The following ITGAE variants were observed in gnomAD, a reference collection of about 807,000 sequenced individuals.
ITGAE encodes the protein integrin alpha-E.
A neutral mutation model predicts 136.5 loss-of-function variants in ITGAE; 99 were observed. That is an observed-to-expected ratio of 0.73 (90% CI 0.62 to 0.86). ITGAE has a LOEUF of 0.86. Ranked by LOEUF, ITGAE falls within the 40% of genes least tolerant of loss-of-function variation. ITGAE has a pLI of 0.00. For synonymous variants in ITGAE, 613 were observed against 591.8 expected (o/e 1.04, Z -0.52); for missense variants, 1,447 against 1,515.3 (o/e 0.95, Z 0.75).
At chr17:3,796,577 C>T (rs968028888) in intron 1 of ITGAE, among the ~76,000 whole-genome samples, 5 of 152,098 alleles carry the variant, frequency 3.3e-5, no homozygotes, top group African/African-American at 9.7e-5. Flanking sequence ...TAACCACAGG[C>T]GAGGGCTGGC....
chr17:3,767,616 T>C (rs1293310105), intron 2 of ITGAE, among the ~76,000 whole-genome samples: 1 of 152,094 alleles, frequency 6.6e-6, no homozygotes, highest in Non-Finnish European at 1.5e-5. Flanking sequence ...TAGCCTCCTG[T>C]TATTTTGTGG....
chr17:3,724,013 G>A, intron 26 of ITGAE: 1 of 1,591,574 alleles, frequency 6.3e-7, no homozygotes, highest in Non-Finnish European at 8.5e-7. Context: ...GACAGCGGCG[G>A]CCGGGCCGGG....
chr17:3,751,507 G>T, intron 15 of ITGAE, 143 bp downstream of exon 15: 1 of 702,292 alleles, frequency 1.4e-6, no homozygotes, highest in Non-Finnish European at 2.4e-6. Flanking sequence ...CCTAGCCTGG[G>T]GGACTTCTTT....
chr17:3,761,053 TTCC>T lies in ITGAE; in HGVS notation c.555_557del (p.Glu186del), dbSNP rs539432722. The T allele has an allele frequency of 1.7e-5, 27 of 1,608,044 alleles. No homozygotes were observed. The highest frequency in any genetic ancestry group is 1.4e-4 in the South Asian group (13 of 91,030). On this transcript the variant is annotated inframe_deletion, in exon 6 of 31. Transcript: ENST00000263087. Reference sequence around the variant, plus strand: ...CCTCGTCTTCCTCCTCCTCCTTGTCTTCCTCCTCCTCCTTCTCCAGAGCCCGGC... The same window carrying T: ...CCTCGTCTTCCTCCTCCTCCTTGTCTTCCTCCTCCTTCTCCAGAGCCCGGC...
chr17:3,723,023 A>G (rs1217802868), intron 28 of ITGAE, among the ~76,000 whole-genome samples: 1 of 152,204 alleles, frequency 6.6e-6, no homozygotes, highest in Non-Finnish European at 1.5e-5. Flanking sequence ...TTGGCCCTGA[A>G]ATGGCAGGGC....
In ITGAE at chr17:3,716,809, C is replaced by T. The variant is rs530833990; in HGVS notation, c.3334-11G>A. ...GAAGACGACAGTGATCTAGACAAGA[C>T]AAAGAGATCGCCCAATAAATCAGGT... On this transcript the variant is annotated splice_polypyrimidine_tract_variant and intron_variant, in intron 29 of 30. Transcript: ENST00000263087. The T allele has an allele frequency of 5.3e-5, 75 of 1,420,726 alleles. No individual in the cohort carries two copies. In the South Asian group the frequency reaches 8.8e-4, roughly 17 times the overall value. The allele number at this position is 1,420,726 out of a possible 1,614,324, so 88.0% of individuals were successfully genotyped here.
intron 12 of ITGAE, chr17:3,754,791 T>A: frequency 1.0e-4 from 20 of 196,342 alleles, no homozygotes; most frequent in Middle Eastern, 3.6e-3. Context: ...AGGTGGCCTC[T>A]AGGCCCCGCC....
chr17:3,726,053 G>A, intron 26 of ITGAE: 1 of 1,614,178 alleles, frequency 6.2e-7, no homozygotes, highest in Non-Finnish European at 8.5e-7. Context: ...ACGTTTCCAT[G>A]GATGAGGACC....
chr17:3,756,813 G>A (rs1214747851), intron 10 of ITGAE, among the ~76,000 whole-genome samples, 171 bp downstream of exon 10: 1 of 152,202 alleles, frequency 6.6e-6, no homozygotes, highest in African/African-American at 2.4e-5. Flanking sequence ...AAAGTGTTGG[G>A]ATAACAGGCA....
chr17:3,769,398 C>T (rs999181114), intron 2 of ITGAE, among the ~76,000 whole-genome samples: 2 of 151,128 alleles, frequency 1.3e-5, no homozygotes, highest in Non-Finnish European at 2.9e-5. Flanking sequence ...AACAGCTGTG[C>T]AGGGTGCGCA....
At chr17:3,726,916 A>G (rs2051227293) in intron 26 of ITGAE, among the ~76,000 whole-genome samples, 1 of 151,408 alleles carries the variant, frequency 6.6e-6, no homozygotes, top group Admixed American at 6.6e-5. Flanking sequence ...TTTAGTAGAG[A>G]TGGGGGTTTC....
At chr17:3,789,857 C>CT (rs753184228) in intron 1 of ITGAE, among the ~76,000 whole-genome samples, 93 of 152,204 alleles carry the variant, frequency 6.1e-4, no homozygotes, top group Non-Finnish European at 1.1e-3. Context: ...TGAAAAACGT[C>CT]TTTTTTATGG....
chr17:3,790,367 C>T (rs568409983), intron 1 of ITGAE, among the ~76,000 whole-genome samples: 7 of 152,050 alleles, frequency 4.6e-5, no homozygotes, highest in East Asian at 3.9e-4. Flanking sequence ...ATTAGCTGGG[C>T]GTAGTGGCGC....
chr17:3,717,235 T>C (rs2050960789), intron 29 of ITGAE: 1 of 161,864 alleles, frequency 6.2e-6, no homozygotes, highest in South Asian at 1.6e-4. Context: ...AACTCCGTTC[T>C]GACGGCTCTT....
chr17:3,751,690 T>C lies in ITGAE; in HGVS notation c.1853A>G (p.Tyr618Cys). The C allele has an allele frequency of 6.2e-7, 1 of 1,613,978 alleles. No individual in the cohort carries two copies. The highest frequency in any genetic ancestry group is 8.5e-7 in the Non-Finnish European group (1 of 1,179,930). ...GGAGAGGCCGTCCCAGTGTCCATTG[T>C]AGATATACACACTGCCGAAGCTGGC... is the stretch of plus-strand genomic sequence containing the variant. The part of the protein sequence containing the change: ...DGASFGSVYI[Y>C]NGHWDGLSAS... The change falls in exon 15 of 31, where the codon TAC (tyrosine) becomes TGC (cysteine). Residue 618 changes from tyrosine (Y) to cysteine (C), a missense_variant. Physicochemically the swap from Tyr to Cys is radical, Grantham distance 194 (BLOSUM62 -2). Coordinates refer to ENST00000263087, the MANE Select transcript of ITGAE (RefSeq NM_002208.5).
chr17:3,775,247 C>T (rs1597357122), intron 2 of ITGAE, among the ~76,000 whole-genome samples: 2 of 152,092 alleles, frequency 1.3e-5, no homozygotes, highest in Admixed American at 1.3e-4. Flanking sequence ...CTGCACCTGC[C>T]AACCTTTGTA....
intron 14 of ITGAE, among the ~76,000 whole-genome samples, chr17:3,752,968 A>G (rs879498302): frequency 3.9e-5 from 6 of 152,234 alleles, no homozygotes; most frequent in Non-Finnish European, 7.3e-5. Flanking sequence ...GAATTGCTTG[A>G]ACCCCGGAGG....
At chr17:3,734,264 G>A (rs1169144888) in intron 21 of ITGAE, among the ~76,000 whole-genome samples, 4 of 152,048 alleles carry the variant, frequency 2.6e-5, no homozygotes, top group African/African-American at 9.7e-5. Flanking sequence ...TAGTAGAGAC[G>A]GGGTTTCACC....
chr17:3,791,793 G>A (rs1305579845), intron 1 of ITGAE, among the ~76,000 whole-genome samples: 1 of 152,146 alleles, frequency 6.6e-6, no homozygotes, highest in Non-Finnish European at 1.5e-5. Context: ...CTCACTGCTG[G>A]TCCTCAGGTC....
Sources: allele counts gnomAD v4.1 joint callset (sites outside exome capture counted in the v4.1 genomes callset), GRCh38; gene constraint gnomAD v4.1.1; transcripts MANE v1.5; gene names NCBI Gene and HGNC (gene_info 2026-07-23, HGNC 2026-07-21).